LOXHD1: variants seen among roughly 807,000 people sequenced by gnomAD.
LOXHD1 encodes the protein lipoxygenase homology domain-containing protein 1.
Under a neutral mutation model 248.2 loss-of-function variants are expected in LOXHD1, and 205 were observed. That is an observed-to-expected ratio of 0.83 (90% CI 0.74 to 0.93). The LOEUF (loss-of-function observed/expected upper bound fraction) is 0.93, where lower values mean the gene tolerates loss of function less well. Among genes scored for constraint, LOXHD1 ranks in the 40% least tolerant of loss-of-function variants. The pLI is 0.00. For missense variants in LOXHD1, 2,930 were observed against 2,971.6 expected (o/e 0.99, Z 0.33); for synonymous variants, 1,113 against 1,162.8 (o/e 0.96, Z 0.87).
rs1301522853 is a variant in LOXHD1, at chr18:46,542,758, C to T, written c.3717G>A (p.Leu1239=). ...TGTCATGGCCAAGCCGGACTTTCCA[C>T]AGGTCTCCCAGATCCAGCGTCTCCA... ...FTVETLDLGD[L]WKVRLGHDNT... The change falls in exon 24 of 41, where the codon CTG becomes CTA. Residue 1239 remains leucine (L), a synonymous_variant. Coordinates refer to ENST00000642948, the MANE Select transcript of LOXHD1 (RefSeq NM_001384474.1). 8 of 1,551,696 alleles carry T rather than the reference C, an allele frequency of 5.2e-6. No individual in the cohort carries two copies. The highest frequency in any genetic ancestry group is 3.5e-6 in the Non-Finnish European group (4 of 1,147,002).
intron 20 of LOXHD1, chr18:46,558,963 CACTGTCCTAA>C (rs2143996487): frequency 2.4e-6 from 1 of 415,698 alleles, no homozygotes; most frequent in East Asian, 7.2e-5. Flanking sequence ...CTGGAAGACA[CACTGTCCTAA>C]ACTGGCCTCC....
intron 34 of LOXHD1, among the ~76,000 whole-genome samples, chr18:46,515,465 C>T (rs767038198): frequency 5.3e-5 from 8 of 150,512 alleles, no homozygotes; most frequent in South Asian, 4.2e-4. Context: ...AATCTTTATT[C>T]AGAAAAAAAA....
intron 1 of LOXHD1, among the ~76,000 whole-genome samples, chr18:46,650,809 G>C (rs2039101036): frequency 6.6e-6 from 1 of 152,198 alleles, no homozygotes; most frequent in South Asian, 2.1e-4. Flanking sequence ...CCCAGAGCCA[G>C]TGTGGGCTGG....
chr18:46,649,857 G>C (rs769659129), intron 1 of LOXHD1, among the ~76,000 whole-genome samples: 14 of 152,142 alleles, frequency 9.2e-5, no homozygotes, highest in Non-Finnish European at 1.3e-4. Flanking sequence ...CAGGGCATCA[G>C]TACAATTATA....
Position 46,482,090 on chromosome 18 carries a change from A to C in LOXHD1, c.6341+1497T>G, listed in dbSNP as rs1249514972. 3.3e-5 allele frequency among the ~76,000 whole-genome samples: 5 copies of C among 152,290 alleles called. No individual in the cohort carries two copies. The South Asian group carries it at 1.0e-3, about 32-fold the overall frequency. ...TTCTGGGATAGTCTCCCAGCTGTCA[A>C]GTTCTCATCAGTACTGGTCCTAGCA... On this transcript the variant is annotated intron_variant, in intron 40 of 40. Transcript: ENST00000642948.
chr18:46,527,745 G>C (rs1309345659), intron 29 of LOXHD1, among the ~76,000 whole-genome samples: 2 of 152,224 alleles, frequency 1.3e-5, no homozygotes, highest in Non-Finnish European at 2.9e-5. Flanking sequence ...TGAACAATTA[G>C]ATCTCTTGTG....
chr18:46,560,987 C>CT (rs764513018), intron 18 of LOXHD1, among the ~76,000 whole-genome samples: 3 of 152,156 alleles, frequency 2.0e-5, no homozygotes, highest in East Asian at 3.9e-4. Flanking sequence ...TGTTTCATCA[C>CT]TTTTTTTAAC....
In LOXHD1 at chr18:46,592,556, T is replaced by C; in HGVS notation, c.1460A>G (p.Tyr487Cys). 1 of 1,551,584 alleles carries C rather than the reference T, an allele frequency of 6.4e-7. No individual in the cohort carries two copies. The highest frequency in any genetic ancestry group is 8.7e-7 in the Non-Finnish European group (1 of 1,146,936). The part of the protein sequence containing the change: ...RIELPDLGRF[Y>C]KIRVWHDKRS... ...TTTATCATGCCATACTCGAATCTTA[T>C]AAAACCTGCCAAGATCCGGGAGCTC... Residue 487 changes from tyrosine to cysteine, a missense_variant, in exon 11 of 41, where the codon TAT becomes TGT. Physicochemically the swap from Tyr to Cys is radical, Grantham distance 194. Transcript: ENST00000642948.
chr18:46,617,965 A>G (rs2038613292), intron 5 of LOXHD1, among the ~76,000 whole-genome samples: 1 of 152,202 alleles, frequency 6.6e-6, no homozygotes, highest in Non-Finnish European at 1.5e-5. Context: ...CCCACACACC[A>G]GCCATACTAT....
chr18:46,484,060 C>T (rs1242028630), intron 39 of LOXHD1, among the ~76,000 whole-genome samples: 1 of 152,100 alleles, frequency 6.6e-6, no homozygotes, highest in Non-Finnish European at 1.5e-5. Context: ...TCCCCTGTAA[C>T]AGACATGTCT....
intron 18 of LOXHD1, 80 bp from the exon 19 acceptor site, chr18:46,560,625 C>T (rs1202299132): frequency 1.5e-6 from 2 of 1,330,022 alleles, no homozygotes; most frequent in African/African-American, 2.9e-5. Flanking sequence ...CAACAAAGAG[C>T]CAGGCACAAG....
chr18:46,656,257 A>C (rs2039180336), intron 1 of LOXHD1, among the ~76,000 whole-genome samples: 1 of 152,312 alleles, frequency 6.6e-6, no homozygotes, highest in South Asian at 2.1e-4. Flanking sequence ...CTGGAAAGGA[A>C]AAAAACAACT....
intron 22 of LOXHD1, 46 bp downstream of exon 22, chr18:46,546,849 G>A: frequency 1.3e-6 from 2 of 1,525,146 alleles, no homozygotes; most frequent in Non-Finnish European, 1.8e-6. Context: ...GGGAGAGGCA[G>A]AGGGGAGGGG....
At chr18:46,494,210 G>A (rs1055338342) in intron 37 of LOXHD1, among the ~76,000 whole-genome samples, 2 of 152,198 alleles carry the variant, frequency 1.3e-5, no homozygotes, top group Non-Finnish European at 2.9e-5. Flanking sequence ...CTGTATGCCT[G>A]ACGTCTCTAA....
chr18:46,485,046 T>C lies in LOXHD1; in HGVS notation c.6155A>G (p.Asn2052Ser). Reference sequence around the variant, plus strand: ...CCTAAAGGCCCGCTGCCTAGAAGAATTTTCCATGAGAAACTCTTTGGATCG... The same window carrying C: ...CCTAAAGGCCCGCTGCCTAGAAGAACTTTCCATGAGAAACTCTTTGGATCG... The part of the protein sequence containing the change: ...KNRSKEFLME[N>S]SSRQRAFRKG... Residue 2052 changes from asparagine to serine, a missense_variant, in exon 39 of 41, where the codon AAT (asparagine) becomes AGT (serine). Asn to Ser is a conservative substitution (Grantham distance 46). Transcript: ENST00000642948. 6.4e-7 allele frequency: 1 copy of C among 1,550,774 alleles called. No homozygotes were observed.
rs117724041 is a variant in LOXHD1, at chr18:46,498,913, G to C, written c.5878+6925C>G. Among the ~76,000 whole-genome samples, 144 of 152,280 alleles carry C rather than the reference G, an allele frequency of 9.5e-4. 4 individuals are homozygous for C. In the East Asian group the frequency reaches 0.015, roughly 16 times the overall value. ...TTTAACAAGTGTGTCTGATATAATT[G>C]TTGCATCTAGAAACCCCTCAGTCAC... On this transcript the variant is annotated intron_variant, in intron 37 of 40. Transcript: ENST00000642948.
intron 32 of LOXHD1, among the ~76,000 whole-genome samples, chr18:46,521,608 G>A (rs577887778): frequency 3.9e-5 from 6 of 152,276 alleles, no homozygotes; most frequent in African/African-American, 1.4e-4. Flanking sequence ...TCATGGTGGG[G>A]AATGGTGGGC....
chr18:46,502,121 C>A (rs923113021), intron 37 of LOXHD1, among the ~76,000 whole-genome samples: 1 of 152,136 alleles, frequency 6.6e-6, no homozygotes, highest in Non-Finnish European at 1.5e-5. Flanking sequence ...GCAAATGAGG[C>A]CTCATGTTTC....
At position 46,560,065 on chromosome 18, in the gene LOXHD1, C is replaced by T. The variant is rs1336422794; in HGVS notation, c.3061+18G>A. 1.4e-6 allele frequency: 2 copies of T among 1,460,462 alleles called. No homozygotes were observed. Among genetic ancestry groups the T allele is most frequent in the Admixed American group, 4.3e-5 (2 of 46,524 alleles). 90.5% of individuals were successfully genotyped at this position (1,460,462 alleles called of 1,614,324 possible). On this transcript the variant is annotated intron_variant, in intron 19 of 40. Transcript: ENST00000642948. ...CTGGCCACTCCCTCCCCACCCCCACCCCCCACGACCCACTTACGCTCAGGA... is the reference window on the plus strand; with the variant it reads ...CTGGCCACTCCCTCCCCACCCCCACTCCCCACGACCCACTTACGCTCAGGA...
Sources: gnomAD v4.1 joint callset for allele counts (sites outside exome capture counted in the v4.1 genomes callset) on GRCh38, gnomAD v4.1.1 for gene constraint, MANE v1.5 for transcripts, NCBI Gene and HGNC (gene_info 2026-07-23, HGNC 2026-07-21) for gene names.